PIP4P2: variants seen among roughly 807,000 people sequenced by gnomAD.
The protein encoded by PIP4P2 is phosphatidylinositol-4,5-bisphosphate 4-phosphatase 2, also known as type 2 phosphatidylinositol 4,5-bisphosphate 4-phosphatase.
PIP4P2 carries 19 observed loss-of-function variants against 33.3 expected under a neutral mutation model. The ratio of observed to expected loss-of-function variants is 0.57; its 90% CI spans 0.40 to 0.84. The LOEUF (loss-of-function observed/expected upper bound fraction) is 0.84, where lower values mean the gene tolerates loss of function less well. Among genes scored for constraint, PIP4P2 ranks in the 40% least tolerant of loss-of-function variants. The pLI is 0.00. For synonymous variants in PIP4P2, 110 were observed against 111.9 expected, an observed-to-expected ratio of 0.98 and a Z score of 0.11; for missense variants, 270 against 324.7, an observed-to-expected ratio of 0.83 and a Z score of 1.29.
chr8:90,996,893 A>G (rs1215441093), intron 5 of PIP4P2, 149 bp from the exon 6 acceptor site: 2 of 635,730 alleles, frequency 3.1e-6, no homozygotes, highest in South Asian at 2.2e-5. Context: ...TGCATTAAAC[A>G]TGTCATTTTT....
chr8:91,017,381 G>A (rs952533343), intron 4 of PIP4P2, among the ~76,000 whole-genome samples: 4 of 151,478 alleles, frequency 2.6e-5, no homozygotes, highest in African/African-American at 9.7e-5. Flanking sequence ...CCTGGGCGAC[G>A]GAGTGAGACT....
rs1812294953 is a variant in PIP4P2, at chr8:91,040,720, C to A, written c.30G>T (p.Ser10=). 6.2e-7 allele frequency: 1 copy of A among 1,612,736 alleles called. No individual in the cohort carries two copies. Among genetic ancestry groups the A allele is most frequent in the Non-Finnish European group, 8.5e-7 (1 of 1,180,006 alleles). Residue 10 remains serine (S), a synonymous_variant, in exon 1 of 7, where the codon TCG becomes TCT. Coordinates refer to ENST00000285419, the MANE Select transcript of PIP4P2 (RefSeq NM_018710.3). The part of the protein sequence containing the change: MAADGVDER[S]PLLSASHSGN... ...CGGAGTGGGATGCTGACAGCAGAGGCGAGCGTTCGTCCACCCCATCAGCAG... is the reference window on the plus strand; with the variant it reads ...CGGAGTGGGATGCTGACAGCAGAGGAGAGCGTTCGTCCACCCCATCAGCAG...
chr8:90,996,682 A>T lies in PIP4P2; in HGVS notation c.602T>A (p.Ile201Lys). 1 of 1,609,940 alleles carries T rather than the reference A, an allele frequency of 6.2e-7. No homozygotes were observed. Residue 201 changes from isoleucine to lysine, a missense_variant, in exon 6 of 7, where the codon ATA (isoleucine) becomes AAA (lysine). Ile to Lys is a moderately radical substitution (Grantham distance 102, BLOSUM62 -3). Transcript: ENST00000285419. The stretch of plus-strand genomic sequence containing the variant: ...TAACCCAACTCCAATGAAAATACAT[A>T]TCATTCCAATGGTAATATATGCACA... ...RCCAYITIGM[I>K]CIFIGVGLTV...
chr8:91,008,516 A>C (rs1811790692), intron 5 of PIP4P2, among the ~76,000 whole-genome samples: 1 of 152,208 alleles, frequency 6.6e-6, no homozygotes, highest in Non-Finnish European at 1.5e-5. Context: ...CTTATAATAG[A>C]AATTGATTTC....
At chr8:91,040,537 G>A in intron 1 of PIP4P2, 107 bp downstream of exon 1, 1 of 1,302,066 alleles carries the variant, frequency 7.7e-7, no homozygotes, top group Middle Eastern at 2.4e-4. Context: ...GCCCAAGCGA[G>A]AGGCTCACCT....
intron 3 of PIP4P2, among the ~76,000 whole-genome samples, chr8:91,019,423 A>T (rs1230198835): frequency 3.5e-3 from 215 of 61,276 alleles, no homozygotes; most frequent in East Asian, 5.6e-3. Flanking sequence ...AAAAAAAAAA[A>T]ATATATTACC....
intron 4 of PIP4P2, among the ~76,000 whole-genome samples, chr8:91,011,063 T>C (rs780133723): frequency 4.0e-5 from 5 of 125,972 alleles, no homozygotes; most frequent in East Asian, 2.2e-4. Context: ...GATAGATAGA[T>C]AGACAGATAG....
At chr8:91,035,762 C>T (rs528197800) in intron 1 of PIP4P2, among the ~76,000 whole-genome samples, 1 of 152,228 alleles carries the variant, frequency 6.6e-6, no homozygotes, top group African/African-American at 2.4e-5. Flanking sequence ...GGTGTGGTGG[C>T]TCATGCCTGT....
intron 3 of PIP4P2, 116 bp from the exon 4 acceptor site, chr8:91,018,629 T>C (rs1439200096): frequency 2.7e-6 from 4 of 1,489,302 alleles, no homozygotes; most frequent in Non-Finnish European, 3.6e-6. Context: ...ATTAAGTGAA[T>C]TAAATGTCAA....
intron 5 of PIP4P2, among the ~76,000 whole-genome samples, chr8:91,005,892 C>T (rs1449201749): frequency 6.6e-6 from 1 of 152,138 alleles, no homozygotes; most frequent in African/African-American, 2.4e-5. Flanking sequence ...TGGCAGTGGC[C>T]ACAAGCCACC....
chr8:91,030,213 C>CACA (rs1293276132), intron 1 of PIP4P2, among the ~76,000 whole-genome samples: 1 of 114,854 alleles, frequency 8.7e-6, no homozygotes, highest in Non-Finnish European at 1.8e-5. Context: ...GACTCCATCT[C>CACA]AAAAAAAAAA....
intron 1 of PIP4P2, among the ~76,000 whole-genome samples, chr8:91,029,485 G>T (rs1315169532): frequency 1.3e-5 from 2 of 152,080 alleles, no homozygotes; most frequent in African/African-American, 4.8e-5. Flanking sequence ...CATTCCTCCA[G>T]CAACCTGTAA....
chr8:91,039,772 A>G (rs999064456), intron 1 of PIP4P2, among the ~76,000 whole-genome samples: 1 of 152,174 alleles, frequency 6.6e-6, no homozygotes, highest in African/African-American at 2.4e-5. Flanking sequence ...TATTTACTAT[A>G]GTAATCAACT....
rs141748392 is a variant in PIP4P2 at position 91,033,665 on chromosome 8, C to G, written c.106+6979G>C. Among the ~76,000 whole-genome samples the G allele has an allele frequency of 3.1e-3, 476 of 152,342 alleles. 4 individuals carry two copies. Among genetic ancestry groups the G allele is most frequent in the African/African-American group, 0.011 (457 of 41,580 alleles). ...CCTCAGGACATAATCCCTTCTTCAG[C>G]AGGTGGAATAGAAATCTCCCCTGGG... On this transcript the variant is annotated intron_variant, in intron 1 of 6. Transcript: ENST00000285419.
intron 1 of PIP4P2, among the ~76,000 whole-genome samples, chr8:91,033,988 C>T (rs541700883): frequency 1.3e-5 from 2 of 152,036 alleles, no homozygotes; most frequent in South Asian, 2.1e-4. Context: ...TTGCTGTTCC[C>T]GTTGCCTGGA....
rs1438511781 is a variant in PIP4P2 at position 91,008,736 on chromosome 8, A to T, written c.539+7T>A. On this transcript the variant is annotated splice_region_variant and intron_variant, in intron 5 of 6. Coordinates refer to ENST00000285419, the MANE Select transcript of PIP4P2 (RefSeq NM_018710.3). ...CTCAATAATATTTCCAATGGTAGGG[A>T]ACTTACATTTTTTTGCAGTGTGGGC... 6.2e-7 allele frequency: 1 copy of T among 1,608,752 alleles called. No individual in the cohort carries two copies. The highest frequency in any genetic ancestry group is 1.1e-5 in the South Asian group (1 of 90,670).
At chr8:91,006,795 C>A (rs865830969) in intron 5 of PIP4P2, among the ~76,000 whole-genome samples, 7 of 152,060 alleles carry the variant, frequency 4.6e-5, no homozygotes, top group Admixed American at 2.6e-4. Flanking sequence ...ATGGTGAAAC[C>A]CCGCCTCTAC....
At chr8:90,996,383 T>TA (rs1047181916) in intron 6 of PIP4P2, among the ~76,000 whole-genome samples, 1 of 152,088 alleles carries the variant, frequency 6.6e-6, no homozygotes, top group African/African-American at 2.4e-5. Flanking sequence ...GATTTTTTTT[T>TA]AAATGGGCTT....
intron 1 of PIP4P2, among the ~76,000 whole-genome samples, chr8:91,021,793 G>A (rs74341141): frequency 0.011 from 1,693 of 152,190 alleles, 21 homozygotes; most frequent in Middle Eastern, 0.031. Context: ...AAAAATGGTC[G>A]ATGAAAGCAA....
Sources: gnomAD v4.1 joint callset for allele counts (sites outside exome capture counted in the v4.1 genomes callset) on GRCh38, gnomAD v4.1.1 for gene constraint, MANE v1.5 for transcripts, NCBI Gene and HGNC (gene_info 2026-07-23, HGNC 2026-07-21) for gene names.